Variants in ASCC3 observed in about 807,000 individuals in gnomAD.
The protein encoded by ASCC3 is ASC-1 complex subunit P200.
Under a neutral mutation model 256.3 loss-of-function variants are expected in ASCC3, and 158 were observed. That is an observed-to-expected ratio of 0.62 (90% CI 0.54 to 0.70). ASCC3 has a LOEUF of 0.70. Among genes scored for constraint, ASCC3 ranks in the 30% least tolerant of loss-of-function variants. The pLI is 0.00. For missense variants in ASCC3, 2,259 were observed against 2,626.0 expected, an observed-to-expected ratio of 0.86 and a Z score of 3.05; for synonymous variants, 948 against 883.4, an observed-to-expected ratio of 1.07 and a Z score of -1.30.
intron 3 of ASCC3, among the ~76,000 whole-genome samples, chr6:100,859,731 T>G (rs949160269): frequency 2.0e-5 from 3 of 152,004 alleles, no homozygotes; most frequent in African/African-American, 7.2e-5. Context: ...TTCTTAAAGA[T>G]GAAGTTATTA....
intron 36 of ASCC3, among the ~76,000 whole-genome samples, chr6:100,587,505 A>G (rs1027693427): frequency 3.3e-5 from 5 of 152,196 alleles, no homozygotes; most frequent in African/African-American, 4.8e-5. Context: ...TGTGAGTCCT[A>G]TGGTTCTTCA....
intron 36 of ASCC3, among the ~76,000 whole-genome samples, chr6:100,560,267 C>T (rs556893960): frequency 1.5e-3 from 229 of 152,114 alleles, no homozygotes; most frequent in African/African-American, 5.0e-3. Context: ...GGTAAACTTT[C>T]GAGAAGTTAT....
At chr6:100,700,214 G>C (rs752232770) in intron 13 of ASCC3, among the ~76,000 whole-genome samples, 1 of 152,106 alleles carries the variant, frequency 6.6e-6, no homozygotes, top group Non-Finnish European at 1.5e-5. Context: ...GCAGCCTAGG[G>C]ACTTGGTGCC....
chr6:100,774,644 C>T (rs1782103381), intron 8 of ASCC3, among the ~76,000 whole-genome samples: 1 of 152,080 alleles, frequency 6.6e-6, no homozygotes, highest in African/African-American at 2.4e-5. Flanking sequence ...GGATTACAGG[C>T]GTGAGCCACT....
intron 13 of ASCC3, among the ~76,000 whole-genome samples, chr6:100,701,982 A>C (rs1348197781): frequency 2.0e-5 from 3 of 152,134 alleles, no homozygotes; most frequent in Non-Finnish European, 4.4e-5. Flanking sequence ...TGTAAAGAAG[A>C]AGCAGGTAAT....
At chr6:100,667,767 C>G (rs1418539954) in intron 14 of ASCC3, among the ~76,000 whole-genome samples, 1 of 151,814 alleles carries the variant, frequency 6.6e-6, no homozygotes, top group Non-Finnish European at 1.5e-5. Context: ...AACTTAGGTA[C>G]TAAGAAGGTC....
At chr6:100,582,451 T>C (rs1771346089) in intron 36 of ASCC3, among the ~76,000 whole-genome samples, 2 of 151,504 alleles carry the variant, frequency 1.3e-5, no homozygotes, top group South Asian at 4.2e-4. Context: ...CCTGAGACTT[T>C]GCTGAAGTTG....
At chr6:100,863,821 C>T (rs1251612294) in intron 3 of ASCC3, among the ~76,000 whole-genome samples, 1 of 152,008 alleles carries the variant, frequency 6.6e-6, no homozygotes, top group African/African-American at 2.4e-5. Context: ...CAGGGTTTTG[C>T]CATGTTGCCC....
chr6:100,554,995 CAT>C (rs1769496450), intron 36 of ASCC3, among the ~76,000 whole-genome samples: 1 of 151,666 alleles, frequency 6.6e-6, no homozygotes. Flanking sequence ...CTTTATAAAT[CAT>C]ATATCATACC....
At chr6:100,632,293 C>A in intron 25 of ASCC3, among the ~76,000 whole-genome samples, 1 of 148,238 alleles carries the variant, frequency 6.7e-6, no homozygotes, top group African/African-American at 2.5e-5. Context: ...ACAATGAAAA[C>A]TATAAAACAT....
chr6:100,744,295 T>C (rs946016315), intron 10 of ASCC3, among the ~76,000 whole-genome samples: 3 of 152,010 alleles, frequency 2.0e-5, no homozygotes, highest in African/African-American at 7.2e-5. Flanking sequence ...AATGGAGGAG[T>C]AGGGGCAAAG....
chr6:100,530,182 T>C, intron 37 of ASCC3: 1 of 644,354 alleles, frequency 1.6e-6, no homozygotes. Context: ...TTTCCTTTCA[T>C]GAATTAACAT....
At chr6:100,575,295 T>C (rs983669573) in intron 36 of ASCC3, among the ~76,000 whole-genome samples, 1 of 152,130 alleles carries the variant, frequency 6.6e-6, no homozygotes, top group Non-Finnish European at 1.5e-5. Flanking sequence ...TTCTCCCTTA[T>C]AAAAACAAAA....
intron 10 of ASCC3, among the ~76,000 whole-genome samples, chr6:100,746,316 T>TA (rs1392491086): frequency 6.6e-6 from 1 of 151,970 alleles, no homozygotes; most frequent in Admixed American, 6.6e-5. Flanking sequence ...TAGAACAAGT[T>TA]AAATAGTATA....
chr6:100,613,802 G>GT (rs1208070494), intron 30 of ASCC3, among the ~76,000 whole-genome samples: 6 of 152,106 alleles, frequency 3.9e-5, no homozygotes, highest in Non-Finnish European at 8.8e-5. Context: ...CCAACAGCGT[G>GT]TAAGAGTTCC....
At chr6:100,795,195 G>A (rs1769546730) in intron 8 of ASCC3, among the ~76,000 whole-genome samples, 1 of 150,688 alleles carries the variant, frequency 6.6e-6, no homozygotes, top group African/African-American at 2.4e-5. Flanking sequence ...AGAACTGGTT[G>A]GAAAAAAAAA....
At position 100,881,327 on chromosome 6, in the gene ASCC3, A is replaced by G. The variant is rs960379468; in HGVS notation, c.-308T>C. On this transcript the variant is annotated 5_prime_UTR_variant, in exon 1 of 42. Transcript: ENST00000369162. ...GCACAGACCCGGCGAGGAGGGACAG[A>G]GTGGAGCTGGCGCCGGCCTACACGT... is the stretch of plus-strand genomic sequence containing the variant. The G allele has an allele frequency of 2.0e-5, 3 of 152,292 alleles. No individual in the cohort carries two copies. Among genetic ancestry groups the G allele is most frequent in the Non-Finnish European group, 4.4e-5 (3 of 68,130 alleles). 9.4% of individuals were successfully genotyped at this position (152,292 alleles called of 1,614,324 possible).
chr6:100,554,548 C>T (rs1769472855), intron 36 of ASCC3, among the ~76,000 whole-genome samples: 1 of 152,084 alleles, frequency 6.6e-6, no homozygotes, highest in African/African-American at 2.4e-5. Flanking sequence ...AAAAGTAAAA[C>T]TTATAAAGTT....
intron 36 of ASCC3, among the ~76,000 whole-genome samples, chr6:100,577,425 C>G (rs1770928908): frequency 6.6e-6 from 1 of 152,042 alleles, no homozygotes; most frequent in Non-Finnish European, 1.5e-5. Context: ...ACTCTAATCA[C>G]ATGTCTTCTA....
Sources: allele counts gnomAD v4.1 joint callset (sites outside exome capture counted in the v4.1 genomes callset), GRCh38; gene constraint gnomAD v4.1.1; transcripts MANE v1.5; gene names NCBI Gene and HGNC (gene_info 2026-07-23, HGNC 2026-07-21).